ALG12: variants seen among roughly 807,000 people sequenced by gnomAD.
ALG12 encodes the protein ALG12 alpha-1,6-mannosyltransferase.
Under a neutral mutation model 46.0 loss-of-function variants are expected in ALG12, and 36 were observed. The ratio of observed to expected loss-of-function variants is 0.78; its 90% CI spans 0.60 to 1.03. The LOEUF is 1.03. Among genes scored for constraint, ALG12 ranks in the 50% least tolerant of loss-of-function variants. The pLI is 0.00. For missense variants in ALG12, 599 were observed against 633.5 expected (o/e 0.95, Z 0.58); for synonymous variants, 326 against 291.6 (o/e 1.12, Z -1.20).
chr22:49,875,342 A>G, the ALG12 span, among the ~76,000 whole-genome samples: 11 of 151,692 alleles, frequency 7.3e-5, no homozygotes, highest in Middle Eastern at 3.4e-3. Flanking sequence ...AAGGCTAATC[A>G]GCTTATTCTT....
chr22:49,908,532 A>C (rs1423493070), intron 6 of ALG12, among the ~76,000 whole-genome samples: 1 of 144,728 alleles, frequency 6.9e-6, no homozygotes, highest in Non-Finnish European at 1.5e-5. Flanking sequence ...GTCTCAAAAA[A>C]AAAAAAAAAA....
chr22:49,911,867 T>C (rs73443957), intron 3 of ALG12, among the ~76,000 whole-genome samples: 18,149 of 152,226 alleles, frequency 0.12, 1,446 homozygotes, highest in South Asian at 0.25. Context: ...GCTTCCCCTT[T>C]TCCCCATCAG....
At position 49,903,643 on chromosome 22, in the gene ALG12, G is replaced by T; in HGVS notation, c.*195C>A. The T allele has an allele frequency of 1.4e-6, 1 of 739,980 alleles. No individual in the cohort carries two copies. The highest frequency in any genetic ancestry group is 2.4e-6 in the Non-Finnish European group (1 of 420,474). The allele number at this position is 739,980 out of a possible 1,614,324, so 45.8% of individuals were successfully genotyped here. On this transcript the variant is annotated 3_prime_UTR_variant, in exon 10 of 10. Coordinates refer to ENST00000330817, the MANE Select transcript of ALG12 (RefSeq NM_024105.4). ...GGTGCCAACAAGACCTGGGCCCCTCGTTCTTTGGTGCTGAGAGCCCCAGCT... is the reference window on the plus strand; with the variant it reads ...GGTGCCAACAAGACCTGGGCCCCTCTTTCTTTGGTGCTGAGAGCCCCAGCT...
chr22:49,886,238 G>A, the ALG12 span: 7 of 965,148 alleles, frequency 7.3e-6, no homozygotes, highest in South Asian at 1.5e-5. The surrounding 1 kb of genome is among the most constrained non-coding windows in gnomAD (Gnocchi z 7.7). Context: ...ATCTGCGAGC[G>A]GGTGCACCGG....
the ALG12 span, among the ~76,000 whole-genome samples, chr22:49,875,418 CT>C: frequency 0.019 from 2,718 of 145,214 alleles, 82 homozygotes; most frequent in African/African-American, 0.066. Flanking sequence ...AATTTATTTT[CT>C]TTTTTTTTTT....
At position 49,904,318 on chromosome 22, in the gene ALG12, C is replaced by A; in HGVS notation, c.1162+19G>T. 1 of 1,614,172 alleles carries A rather than the reference C, an allele frequency of 6.2e-7. No homozygotes were observed. On this transcript the variant is annotated intron_variant, in intron 8 of 9. Coordinates refer to ENST00000330817, the MANE Select transcript of ALG12 (RefSeq NM_024105.4). ...AGTCGGAGCCACAGCAGTCCCCAGGCAGTGCCCCCAGCACCCACCTGTCTG... is the reference window on the plus strand; with the variant it reads ...AGTCGGAGCCACAGCAGTCCCCAGGAAGTGCCCCCAGCACCCACCTGTCTG...
intron 3 of ALG12, 135 bp downstream of exon 3, chr22:49,913,250 G>A (rs1219236849): frequency 2.1e-5 from 30 of 1,405,966 alleles, no homozygotes; most frequent in Non-Finnish European, 2.8e-5. Flanking sequence ...GCTCTGAGCC[G>A]CCATGCCACG....
chr22:49,897,663 C>CTTTTTTTTT (rs146468551), downstream of ALG12, among the ~76,000 whole-genome samples: 48 of 103,608 alleles, frequency 4.6e-4, no homozygotes, highest in African/African-American at 5.5e-4. Context: ...CCCATGTTTT[C>CTTTTTTTTT]TTTTTTTTTT....
At chr22:49,865,123 T>C in the ALG12 span, among the ~76,000 whole-genome samples, 2 of 151,998 alleles carry the variant, frequency 1.3e-5, no homozygotes, top group African/African-American at 4.8e-5. Flanking sequence ...CCTCATAGAG[T>C]GCACCTACAC....
the ALG12 span, chr22:49,885,886 G>C: frequency 2.8e-5 from 33 of 1,195,392 alleles, no homozygotes; most frequent in Admixed American, 4.8e-4. Context: ...CCAGACCCGT[G>C]AGTACCTGAC....
chr22:49,904,310 T>G (rs774807800), intron 8 of ALG12, 27 bp downstream of exon 8: 3 of 1,613,994 alleles, frequency 1.9e-6, no homozygotes, highest in Non-Finnish European at 2.5e-6. Context: ...GCCACAGCAG[T>G]CCCCAGGCAG....
chr22:49,886,969 TA>T, the ALG12 span: 4 of 1,614,100 alleles, frequency 2.5e-6, no homozygotes, highest in Non-Finnish European at 3.4e-6. The surrounding 1 kb of genome is among the most constrained non-coding windows in gnomAD (Gnocchi z 7.7). Flanking sequence ...CCCGCTCACC[TA>T]CTGGAACCTG....
the ALG12 span, among the ~76,000 whole-genome samples, chr22:49,877,888 G>A: frequency 3.9e-5 from 6 of 152,134 alleles, no homozygotes; most frequent in African/African-American, 1.4e-4. Flanking sequence ...ATTCATCCGT[G>A]TTGCGTGTAT....
At chr22:49,915,587 T>A (rs3883952) in intron 1 of ALG12, among the ~76,000 whole-genome samples, 56,652 of 151,996 alleles carry the variant, frequency 0.37, 14,446 homozygotes, top group African/African-American at 0.73. Context: ...TAAAAAAATT[T>A]AAAAAAATAA....
At chr22:49,885,429 G>T in the ALG12 span, 1 of 1,609,502 alleles carries the variant, frequency 6.2e-7, no homozygotes, top group Non-Finnish European at 8.5e-7. Flanking sequence ...TCAGCCGGGG[G>T]AAGAAGCCGA....
the ALG12 span, among the ~76,000 whole-genome samples, chr22:49,875,896 T>A: frequency 6.6e-6 from 1 of 152,068 alleles, no homozygotes; most frequent in Non-Finnish European, 1.5e-5. Flanking sequence ...CTTATCAATT[T>A]TATTGCTCTT....
the ALG12 span, chr22:49,884,282 A>G: frequency 3.7e-6 from 6 of 1,612,310 alleles, no homozygotes; most frequent in Non-Finnish European, 5.1e-6. Flanking sequence ...TCACCCATCA[A>G]ACTTGTCCAG....
chr22:49,870,069 A>G, the ALG12 span, among the ~76,000 whole-genome samples: 1 of 152,126 alleles, frequency 6.6e-6, no homozygotes, highest in Admixed American at 6.5e-5. Flanking sequence ...AGGTGAGAAC[A>G]TGTGGTATCC....
chr22:49,913,467 T>C lies in ALG12; in HGVS notation c.213A>G (p.Pro71=). The change falls in exon 3 of 10, where the codon CCA becomes CCG. Residue 71 remains proline (P), a synonymous_variant. Transcript: ENST00000330817. ...GGCTGGAGAACACTGCGATCACCAC[T>C]GGCCCGAGGAACGTCCTGGGGACGA... ...PGVVPRTFLG[P]VVIAVFSSPA... is the part of the protein sequence containing the mutation. 1 of 1,613,992 alleles carries C rather than the reference T, an allele frequency of 6.2e-7. No individual in the cohort carries two copies. Among genetic ancestry groups the C allele is most frequent in the African/African-American group, 1.3e-5 (1 of 75,072 alleles).
Sources: gnomAD v4.1 joint callset for allele counts (sites outside exome capture counted in the v4.1 genomes callset) on GRCh38, gnomAD v4.1.1 for gene constraint, Gnocchi (gnomAD v3.1) non-coding constraint, MANE v1.5 for transcripts, NCBI Gene and HGNC (gene_info 2026-07-23, HGNC 2026-07-21) for gene names.